The following GRB10 variants were observed in gnomAD, a reference collection of about 807,000 sequenced individuals.
The protein encoded by GRB10 is growth factor receptor-bound protein 10.
In GRB10, 20 loss-of-function variants were observed where a neutral mutation model predicts 80.9. The ratio of observed to expected loss-of-function variants is 0.25; its 90% CI spans 0.17 to 0.36. GRB10 has a LOEUF of 0.36. Ranked by LOEUF, GRB10 falls within the 10% of genes least tolerant of loss-of-function variation. The pLI is 1.00. For synonymous variants in GRB10, 291 were observed against 291.5 expected, an observed-to-expected ratio of 1.00 and a Z score of 0.02; for missense variants, 548 against 747.7, an observed-to-expected ratio of 0.73 and a Z score of 3.12.
chr7:50,595,586 CACACACACACTCTCTT>C, intron 17 of GRB10, 56 bp from the exon 18 acceptor site: 1 of 836,138 alleles, frequency 1.2e-6, no homozygotes, highest in South Asian at 1.3e-5. Context: ...GAACTAATCA[CACACACACACTCTCTT>C]ACACACACAC....
intron 13 of GRB10, among the ~76,000 whole-genome samples, chr7:50,609,494 CAT>C (rs753797750): frequency 5.3e-5 from 8 of 152,222 alleles, no homozygotes; most frequent in South Asian, 2.1e-4. Context: ...ATTTTATTCA[CAT>C]GTTTGCATGT....
intron 5 of GRB10, among the ~76,000 whole-genome samples, chr7:50,684,308 ACT>A (rs1213281733): frequency 1.4e-5 from 2 of 139,338 alleles, no homozygotes; most frequent in East Asian, 2.1e-4. Context: ...ATAATTAATC[ACT>A]CTGTACTTTG....
At chr7:50,714,662 C>CA (rs11385458) in intron 4 of GRB10, among the ~76,000 whole-genome samples, 90,503 of 147,222 alleles carry the variant, frequency 0.61, 30,323 homozygotes, top group Middle Eastern at 0.85. Flanking sequence ...GACTCTGTCT[C>CA]AAAAAAAAAA....
At chr7:50,605,012 C>G (rs182279966) in intron 15 of GRB10, 1 of 466,132 alleles carries the variant, frequency 2.1e-6, no homozygotes. Flanking sequence ...ATCAGCAGAA[C>G]AGTTCTGCAT....
intron 2 of GRB10, among the ~76,000 whole-genome samples, chr7:50,756,647 A>G (rs1348142834): frequency 6.6e-6 from 1 of 152,220 alleles, no homozygotes; most frequent in Admixed American, 6.5e-5. Context: ...TGAGAGCTCA[A>G]GGCGCAGAGC....
Position 50,620,945 on chromosome 7 carries a change from C to T in GRB10, c.662-1660G>A, listed in dbSNP as rs1242310619. Among the ~76,000 whole-genome samples, 11 of 152,256 alleles carry T rather than the reference C, an allele frequency of 7.2e-5. No individual in the cohort carries two copies. The East Asian group carries it at 2.1e-3, about 29-fold the overall frequency. On this transcript the variant is annotated intron_variant, in intron 8 of 18. Coordinates refer to ENST00000401949, the MANE Select transcript of GRB10 (RefSeq NM_001350814.2). ...AAAACCAAAACCAACAATCTAATAA[C>T]CTGTTGATGGTTGATTTACAGAACT...
chr7:50,759,524 A>G (rs151281624), intron 2 of GRB10, among the ~76,000 whole-genome samples: 4 of 152,192 alleles, frequency 2.6e-5, no homozygotes, highest in Non-Finnish European at 5.9e-5. Context: ...ACTTTAAAAC[A>G]TTTCTAGATT....
At chr7:50,632,837 G>A (rs547727267) in intron 7 of GRB10, among the ~76,000 whole-genome samples, 46 of 152,268 alleles carry the variant, frequency 3.0e-4, no homozygotes, top group African/African-American at 1.1e-3. Flanking sequence ...ACACTAGAGG[G>A]TTGTCCCAGT....
At chr7:50,790,056 T>A (rs2153717119) in intron 1 of GRB10, among the ~76,000 whole-genome samples, 1 of 152,294 alleles carries the variant, frequency 6.6e-6, no homozygotes. Flanking sequence ...GAAAGCTCAT[T>A]TCTCAGAGAT....
At chr7:50,620,570 A>C (rs2051520055) in intron 8 of GRB10, among the ~76,000 whole-genome samples, 1 of 152,206 alleles carries the variant, frequency 6.6e-6, no homozygotes, top group Non-Finnish European at 1.5e-5. Context: ...TGGTAAAAAC[A>C]CATTTAAAGC....
intron 7 of GRB10, among the ~76,000 whole-genome samples, chr7:50,663,239 G>C (rs1276828283): frequency 1.3e-5 from 2 of 152,106 alleles, no homozygotes; most frequent in Non-Finnish European, 2.9e-5. Context: ...CCCTCCCTGG[G>C]GATGCTGACA....
At chr7:50,599,107 C>G (rs924068579) in intron 17 of GRB10, among the ~76,000 whole-genome samples, 1 of 152,120 alleles carries the variant, frequency 6.6e-6, no homozygotes, top group African/African-American at 2.4e-5. Flanking sequence ...AGGAAGGAAG[C>G]AGGCGGCAAA....
rs907542574 is a variant in GRB10 at position 50,605,308 on chromosome 7, C to T, written c.1371G>A (p.Glu457=). 7 of 1,613,604 alleles carry T rather than the reference C, an allele frequency of 4.3e-6. No individual in the cohort carries two copies. Among genetic ancestry groups the T allele is most frequent in the Non-Finnish European group, 5.9e-6 (7 of 1,179,814 alleles). Residue 457 remains glutamate (E), a synonymous_variant, in exon 15 of 19, where the codon GAG becomes GAA. Coordinates refer to ENST00000401949, the MANE Select transcript of GRB10 (RefSeq NM_001350814.2). The part of the protein sequence containing the change: ...NPAEAQSAAL[E]EGHAWRKRST... ...GCCTTACCCTCCAGGCGTGGCCCTCCTCCAGGGCTGCGCTCTGGGCCTCTG... is the reference window on the plus strand; with the variant it reads ...GCCTTACCCTCCAGGCGTGGCCCTCTTCCAGGGCTGCGCTCTGGGCCTCTG...
At chr7:50,674,067 TC>T (rs2060637570) in intron 6 of GRB10, among the ~76,000 whole-genome samples, 1 of 152,212 alleles carries the variant, frequency 6.6e-6, no homozygotes, top group Non-Finnish European at 1.5e-5. Context: ...GCTGCTAGCC[TC>T]CCGTCCCTAC....
intron 4 of GRB10, among the ~76,000 whole-genome samples, chr7:50,723,466 G>A (rs914417623): frequency 7.2e-5 from 11 of 152,164 alleles, no homozygotes; most frequent in African/African-American, 1.9e-4. Context: ...AAATTAGCTG[G>A]GTTTCAGCTG....
At chr7:50,707,679 A>G (rs1355400152) in intron 4 of GRB10, among the ~76,000 whole-genome samples, 4 of 152,252 alleles carry the variant, frequency 2.6e-5, no homozygotes, top group Non-Finnish European at 5.9e-5. Flanking sequence ...TCCCACAAGC[A>G]CTGAGAGACT....
At chr7:50,750,232 A>G (rs530265991) in intron 3 of GRB10, among the ~76,000 whole-genome samples, 145 of 152,374 alleles carry the variant, frequency 9.5e-4, no homozygotes, top group Non-Finnish European at 1.7e-3. Context: ...CTGCCAAGGC[A>G]GCAAGTTCTT....
intron 5 of GRB10, among the ~76,000 whole-genome samples, chr7:50,688,948 A>C (rs1189714315): frequency 6.6e-6 from 1 of 152,138 alleles, no homozygotes; most frequent in South Asian, 2.1e-4. Context: ...TGTGACAGGA[A>C]GTACTCCCAA....
At chr7:50,608,436 T>TA (rs567743821) in intron 13 of GRB10, among the ~76,000 whole-genome samples, 49 of 152,320 alleles carry the variant, frequency 3.2e-4, no homozygotes, top group African/African-American at 1.2e-3. Context: ...AAAGAACCGC[T>TA]AAGCTGAGGT....
Sources: allele counts gnomAD v4.1 joint callset (sites outside exome capture counted in the v4.1 genomes callset), GRCh38; gene constraint gnomAD v4.1.1; transcripts MANE v1.5; gene names NCBI Gene and HGNC (gene_info 2026-07-23, HGNC 2026-07-21).